TNR: variants seen among roughly 807,000 people sequenced by gnomAD.
TNR encodes tenascin R, also known as tenascin-R.
Under a neutral mutation model 150.4 loss-of-function variants are expected in TNR, and 45 were observed. The observed-to-expected ratio is 0.30, with a 90% CI of 0.24 to 0.38. TNR has a LOEUF of 0.38. Among genes scored for constraint, TNR ranks in the 10% least tolerant of loss-of-function variants. The probability of loss-of-function intolerance (pLI) is 1.00; values close to 1 mark genes in which losing one functional copy is unlikely to be tolerated. For synonymous variants in TNR, 687 were observed against 678.4 expected, an observed-to-expected ratio of 1.01 and a Z score of -0.20; for missense variants, 1,544 against 1,759.1, an observed-to-expected ratio of 0.88 and a Z score of 2.19.
intron 18 of TNR, among the ~76,000 whole-genome samples, chr1:175,340,391 AGACT>A (rs1183409681): frequency 6.6e-6 from 1 of 152,254 alleles, no homozygotes; most frequent in Non-Finnish European, 1.5e-5. Flanking sequence ...TTGCTCACAC[AGACT>A]ATCAAGAGCA....
At chr1:175,573,652 T>C (rs1191790849) in intron 1 of TNR, among the ~76,000 whole-genome samples, 1 of 152,218 alleles carries the variant, frequency 6.6e-6, no homozygotes, top group African/African-American at 2.4e-5. Flanking sequence ...TTACCAGCCA[T>C]AAACCTGGCA....
intron 1 of TNR, among the ~76,000 whole-genome samples, chr1:175,621,174 A>G (rs1472689518): frequency 6.6e-6 from 1 of 152,170 alleles, no homozygotes; most frequent in Non-Finnish European, 1.5e-5. Context: ...CTCAACATGT[A>G]TTGTGACCAA....
intron 1 of TNR, among the ~76,000 whole-genome samples, chr1:175,589,553 A>G (rs1338380779): frequency 6.6e-6 from 1 of 152,230 alleles, no homozygotes; most frequent in Admixed American, 6.5e-5. Flanking sequence ...TATGCATATA[A>G]TTAATGCAAA....
intron 1 of TNR, among the ~76,000 whole-genome samples, chr1:175,612,547 C>T (rs1286799729): frequency 6.6e-6 from 1 of 152,180 alleles, no homozygotes; most frequent in Non-Finnish European, 1.5e-5. Flanking sequence ...GTGCTAAATA[C>T]TAGGATTTTT....
At chr1:175,433,568 G>A (rs1655366603) in intron 2 of TNR, among the ~76,000 whole-genome samples, 1 of 152,186 alleles carries the variant, frequency 6.6e-6, no homozygotes, top group Non-Finnish European at 1.5e-5. Flanking sequence ...GAGAAGCAAA[G>A]GCAATCTGTC....
At chr1:175,602,203 CAAAAAAAAA>C (rs57341654) in intron 1 of TNR, among the ~76,000 whole-genome samples, 5 of 30,530 alleles carry the variant, frequency 1.6e-4, no homozygotes, top group Admixed American at 4.0e-4. Context: ...GGACCAAAGG[CAAAAAAAAA>C]AAAAAAAAAA....
In TNR at chr1:175,634,590, T is replaced by G. The variant is rs568492466; in HGVS notation, c.-164-106221A>C. Among the ~76,000 whole-genome samples the G allele has an allele frequency of 2.0e-5, 3 of 152,234 alleles. No individual in the cohort carries two copies. In the South Asian group the frequency reaches 6.2e-4, roughly 32 times the overall value. On this transcript the variant is annotated intron_variant, in intron 1 of 22. Transcript: ENST00000367674. ...AATGTGGGCGTTGTTTGGGACTTAGTATGTGGGAGCACAAGACAGGACTCA... is the reference window on the plus strand; with the variant it reads ...AATGTGGGCGTTGTTTGGGACTTAGGATGTGGGAGCACAAGACAGGACTCA...
At chr1:175,351,540 T>C (rs1571325502) in intron 18 of TNR, among the ~76,000 whole-genome samples, 1 of 152,346 alleles carries the variant, frequency 6.6e-6, no homozygotes, top group East Asian at 1.9e-4. Flanking sequence ...ACCCCTCTTC[T>C]GTGCTCTGCA....
At chr1:175,727,710 T>G (rs570842464) in intron 1 of TNR, among the ~76,000 whole-genome samples, 1 of 152,152 alleles carries the variant, frequency 6.6e-6, no homozygotes, top group Non-Finnish European at 1.5e-5. Flanking sequence ...TGGGGAGGGT[T>G]GGCCTTGGCA....
intron 1 of TNR, among the ~76,000 whole-genome samples, chr1:175,546,114 C>T (rs941886886): frequency 8.6e-5 from 13 of 151,940 alleles, no homozygotes; most frequent in Non-Finnish European, 1.3e-4. Flanking sequence ...AATGAAGAGG[C>T]GAAAAATTAG....
chr1:175,631,037 G>T (rs1292851785), intron 1 of TNR, among the ~76,000 whole-genome samples: 2 of 152,174 alleles, frequency 1.3e-5, no homozygotes, highest in Admixed American at 1.3e-4. Context: ...GAAGGATGTG[G>T]GTCAGCGGGT....
intron 2 of TNR, among the ~76,000 whole-genome samples, chr1:175,519,230 A>C (rs1262735515): frequency 1.3e-5 from 2 of 152,332 alleles, no homozygotes; most frequent in South Asian, 2.1e-4. Context: ...TGTCTTCCTT[A>C]AGGCAATTCA....
intron 1 of TNR, among the ~76,000 whole-genome samples, chr1:175,679,865 C>T (rs1326109021): frequency 1.3e-5 from 2 of 152,174 alleles, no homozygotes; most frequent in African/African-American, 4.8e-5. Flanking sequence ...TTTCATCTGC[C>T]TGAATGATAG....
chr1:175,539,192 C>T (rs1026535581), intron 1 of TNR: 1 of 152,076 alleles, frequency 6.6e-6, no homozygotes, highest in African/African-American at 2.4e-5. Context: ...TACACAGTTC[C>T]CCAGGAAAAG....
intron 1 of TNR, among the ~76,000 whole-genome samples, chr1:175,682,993 C>T (rs1227329413): frequency 6.6e-6 from 1 of 152,144 alleles, no homozygotes. Context: ...ACTCAAACTA[C>T]CCCTGGCCAG....
chr1:175,719,399 C>G (rs981058636), intron 1 of TNR, among the ~76,000 whole-genome samples: 2 of 152,184 alleles, frequency 1.3e-5, no homozygotes, highest in African/African-American at 4.8e-5. Context: ...CCTGAGGCAG[C>G]CTGTGCAGCC....
intron 21 of TNR, among the ~76,000 whole-genome samples, chr1:175,328,592 TGAA>T (rs1348376342): frequency 6.6e-6 from 1 of 152,214 alleles, no homozygotes; most frequent in East Asian, 1.9e-4. Flanking sequence ...TTTCATCTTT[TGAA>T]GAAGATGAAC....
chr1:175,466,491 GGCTTGGAACAA>G (rs773093023), intron 2 of TNR, among the ~76,000 whole-genome samples: 2 of 152,088 alleles, frequency 1.3e-5, no homozygotes, highest in Non-Finnish European at 2.9e-5. Context: ...AGTCTTTCTG[GGCTTGGAACAA>G]GCACCCCTTG....
chr1:175,365,403 A>G, intron 11 of TNR, 124 bp from the exon 12 acceptor site: 1 of 1,120,768 alleles, frequency 8.9e-7, no homozygotes, highest in Non-Finnish European at 1.2e-6. Flanking sequence ...TCACCCACTA[A>G]CCAAGAGATT....
Sources: gnomAD v4.1 joint callset for allele counts (sites outside exome capture counted in the v4.1 genomes callset) on GRCh38, gnomAD v4.1.1 for gene constraint, MANE v1.5 for transcripts, NCBI Gene and HGNC (gene_info 2026-07-23, HGNC 2026-07-21) for gene names.